The following NR1D2 variants were observed in gnomAD, a reference collection of about 807,000 sequenced individuals.
NR1D2 encodes V-erbA-related protein 1-related.
A neutral mutation model predicts 52.2 loss-of-function variants in NR1D2; 25 were observed. The ratio of observed to expected loss-of-function variants is 0.48; its 90% CI spans 0.35 to 0.67. The LOEUF (loss-of-function observed/expected upper bound fraction) is 0.67, where lower values mean the gene tolerates loss of function less well. Among genes scored for constraint, NR1D2 ranks in the 30% least tolerant of loss-of-function variants. NR1D2 has a pLI of 0.01. For synonymous variants in NR1D2, 259 were observed against 230.1 expected, an observed-to-expected ratio of 1.13 and a Z score of -1.14; for missense variants, 681 against 707.2, an observed-to-expected ratio of 0.96 and a Z score of 0.42.
At chr3:23,972,014 TG>T (rs1706603858) in intron 7 of NR1D2, among the ~76,000 whole-genome samples, 1 of 152,308 alleles carries the variant, frequency 6.6e-6, no homozygotes, top group Admixed American at 6.5e-5. Context: ...AGGGAACAAA[TG>T]GATAGTTTAT....
At chr3:23,972,730 G>A (rs1157379071) in intron 7 of NR1D2, among the ~76,000 whole-genome samples, 3 of 152,178 alleles carry the variant, frequency 2.0e-5, no homozygotes, top group African/African-American at 7.2e-5. Flanking sequence ...TGCAGTACTA[G>A]TGTAGCATTT....
intron 6 of NR1D2, among the ~76,000 whole-genome samples, chr3:23,966,309 T>G (rs1264262842): frequency 1.3e-5 from 2 of 152,208 alleles, no homozygotes; most frequent in Non-Finnish European, 1.5e-5. Context: ...ATATAATTGT[T>G]AACCGATTTA....
chr3:23,968,204 A>T (rs1019507721), intron 7 of NR1D2, among the ~76,000 whole-genome samples, 181 bp downstream of exon 7: 1 of 152,254 alleles, frequency 6.6e-6, no homozygotes, highest in East Asian at 1.9e-4. Flanking sequence ...AATATATGTC[A>T]AAGTACTATA....
chr3:23,945,646 C>G (rs1705644169), intron 1 of NR1D2, 52 bp downstream of exon 1: 1 of 1,148,838 alleles, frequency 8.7e-7, no homozygotes, highest in Admixed American at 4.7e-5. Flanking sequence ...GCGCTCAGAG[C>G]CCGCGGGGCA....
intron 5 of NR1D2, chr3:23,963,291 A>G (rs113322890): frequency 2.3e-5 from 31 of 1,351,682 alleles, no homozygotes; most frequent in Middle Eastern, 2.1e-4. Context: ...AGTTTAAACC[A>G]TGAAGTCCTT....
chr3:23,953,103 A>G (rs1054891554), intron 1 of NR1D2, among the ~76,000 whole-genome samples: 1 of 151,844 alleles, frequency 6.6e-6, no homozygotes, highest in Non-Finnish European at 1.5e-5. Flanking sequence ...CTGGGAGGCC[A>G]AGGTGGGTGG....
rs1440274415 is a variant in NR1D2, at chr3:23,954,633, C to T, written c.113C>T (p.Ser38Phe). The T allele has an allele frequency of 9.3e-6, 15 of 1,613,968 alleles. No individual in the cohort carries two copies. The highest frequency in any genetic ancestry group is 1.3e-5 in the Non-Finnish European group (15 of 1,179,948). Residue 38 changes from serine (S) to phenylalanine (F), a missense_variant, in exon 2 of 8, where the codon TCT becomes TTT. Physicochemically the swap from Ser to Phe is radical, Grantham distance 155 (BLOSUM62 -2). Around this residue, in one of 3 missense-constraint regions of NR1D2, gnomAD observed 94 missense variants for 90.4 expected, o/e 1.04. Coordinates refer to ENST00000312521, the MANE Select transcript of NR1D2 (RefSeq NM_005126.5). Reference protein sequence around the residue: ...GSENSFQSSSSSVPSSPNSSN... With the variant: ...GSENSFQSSSFSVPSSPNSSN... Reference sequence around the variant, plus strand: ...GAGAATAGTTTCCAGTCCTCCTCCTCTTCTGTTCCATCTTCTCCAAATAGC... The same window carrying T: ...GAGAATAGTTTCCAGTCCTCCTCCTTTTCTGTTCCATCTTCTCCAAATAGC...
At chr3:23,971,521 G>A (rs532158428) in intron 7 of NR1D2, among the ~76,000 whole-genome samples, 2 of 151,586 alleles carry the variant, frequency 1.3e-5, no homozygotes, top group South Asian at 4.2e-4. Flanking sequence ...CACCCTCCTC[G>A]GCCTCCCAAA....
At chr3:23,946,010 C>T (rs1705680751) in intron 1 of NR1D2, 3 of 719,220 alleles carry the variant, frequency 4.2e-6, no homozygotes, top group Non-Finnish European at 5.1e-6. Context: ...CCCGGGGCCG[C>T]AGGGACACGT....
Position 23,978,983 on chromosome 3 carries a change from A to AT in NR1D2, c.*1570dup. ...TACCTGGAAAATAGCAATTAATTGGATTTTTTGGTAAAGATTGCCTTCTGT... is the reference window on the plus strand; with the variant it reads ...TACCTGGAAAATAGCAATTAATTGGATTTTTTTGGTAAAGATTGCCTTCTGT... On this transcript the variant is annotated 3_prime_UTR_variant, in exon 8 of 8. Coordinates refer to ENST00000312521, the MANE Select transcript of NR1D2 (RefSeq NM_005126.5). 6.6e-6 allele frequency: 1 copy of AT among 152,036 alleles called. No individual in the cohort carries two copies. Among genetic ancestry groups the AT allele is most frequent in the East Asian group, 1.9e-4 (1 of 5,204 alleles). The allele number at this position is 152,036 out of a possible 1,614,324, so 9.4% of individuals were successfully genotyped here.
intron 6 of NR1D2, among the ~76,000 whole-genome samples, chr3:23,967,180 G>T (rs1256712919): frequency 6.6e-6 from 1 of 152,108 alleles, no homozygotes; most frequent in Admixed American, 6.6e-5. Context: ...AAAATCAGCT[G>T]GGCGTGGTGG....
chr3:23,971,364 G>A (rs1260484759), intron 7 of NR1D2, among the ~76,000 whole-genome samples: 1 of 129,930 alleles, frequency 7.7e-6, no homozygotes, highest in Non-Finnish European at 1.5e-5. Context: ...GGAGTGCAGT[G>A]ATCTCAGCTC....
intron 1 of NR1D2, among the ~76,000 whole-genome samples, chr3:23,950,185 G>A (rs905323456): frequency 3.3e-5 from 5 of 152,208 alleles, no homozygotes; most frequent in African/African-American, 1.2e-4. Flanking sequence ...TTTCATTTCA[G>A]TCTTGTAATA....
At chr3:23,955,244 C>T (rs1706050570) in intron 2 of NR1D2, among the ~76,000 whole-genome samples, 1 of 152,092 alleles carries the variant, frequency 6.6e-6, no homozygotes, top group African/African-American at 2.4e-5. Context: ...CCTATCTGGC[C>T]TCTGTAGGTG....
intron 3 of NR1D2, among the ~76,000 whole-genome samples, chr3:23,958,613 C>G (rs2125288344): frequency 6.8e-6 from 1 of 147,152 alleles, no homozygotes; most frequent in South Asian, 2.1e-4. Flanking sequence ...GTACTCCAGC[C>G]TGGGTGACAG....
At chr3:23,947,818 TAAG>T (rs959117193) in intron 1 of NR1D2, among the ~76,000 whole-genome samples, 27 of 152,278 alleles carry the variant, frequency 1.8e-4, no homozygotes, top group Admixed American at 1.6e-3. Flanking sequence ...GGAGGTCTAA[TAAG>T]AATTGCCTTA....
intron 1 of NR1D2, among the ~76,000 whole-genome samples, chr3:23,949,246 T>C (rs1705860157): frequency 6.6e-6 from 1 of 151,960 alleles, no homozygotes; most frequent in Non-Finnish European, 1.5e-5. Flanking sequence ...GTGCCTGTAA[T>C]CCCAGCTACT....
chr3:23,959,535 A>G (rs1706181566), intron 3 of NR1D2, 136 bp from the exon 4 acceptor site: 1 of 737,138 alleles, frequency 1.4e-6, no homozygotes, highest in Non-Finnish European at 2.2e-6. Flanking sequence ...GTCCTAAGAC[A>G]TAGTGTTTCC....
In NR1D2 at chr3:23,979,465, A is replaced by G. The variant is rs1706820045; in HGVS notation, c.*2046A>G. ...CCTTTTGCATAAGCCTCTTTATAAC[A>G]TGTATCTTTAAAACAATTAAGTCTT... On this transcript the variant is annotated 3_prime_UTR_variant, in exon 8 of 8. Transcript: ENST00000312521. 1 of 152,056 alleles carries G rather than the reference A, an allele frequency of 6.6e-6. No homozygotes were observed. The highest frequency in any genetic ancestry group is 1.5e-5 in the Non-Finnish European group (1 of 67,932). 9.4% of individuals were successfully genotyped at this position (152,056 alleles called of 1,614,324 possible).
Sources: gnomAD v4.1 joint callset for allele counts (sites outside exome capture counted in the v4.1 genomes callset) on GRCh38, gnomAD v4.1.1 for gene constraint, gnomAD v4.1.1 regional missense constraint, MANE v1.5 for transcripts, NCBI Gene and HGNC (gene_info 2026-07-23, HGNC 2026-07-21) for gene names.